Variants in SMARCC1 observed in about 807,000 individuals in gnomAD.
SMARCC1 encodes the protein SWI/SNF related BAF chromatin remodeling complex subunit C1.
Under a neutral mutation model 147.4 loss-of-function variants are expected in SMARCC1, and 43 were observed. The observed-to-expected ratio is 0.29, with a 90% confidence interval of 0.23 to 0.38. SMARCC1 has a LOEUF of 0.38. Ranked by LOEUF, SMARCC1 falls within the 10% of genes least tolerant of loss-of-function variation. The probability of loss-of-function intolerance (pLI) is 1.00; values close to 1 mark genes in which losing one functional copy is unlikely to be tolerated. For missense variants in SMARCC1, 1,119 were observed against 1,381.1 expected, an observed-to-expected ratio of 0.81 and a Z score of 3.01; for synonymous variants, 495 against 484.4, an observed-to-expected ratio of 1.02 and a Z score of -0.29.
chr3:47,664,002 C>A, intron 19 of SMARCC1: 1 of 868,982 alleles, frequency 1.2e-6, no homozygotes, highest in Non-Finnish European at 1.8e-6. Flanking sequence ...ACTGGCCCTA[C>A]CATGGGACTT....
At position 47,587,421 on chromosome 3, in the gene SMARCC1, A is replaced by C. The variant is rs965952195; in HGVS notation, c.*788T>G. The stretch of plus-strand genomic sequence containing the variant: ...CACACTGCCCCCAGAAAAACAAAAC[A>C]CTCACCCCCAATCCAATGAATCATC... On this transcript the variant is annotated 3_prime_UTR_variant, in exon 28 of 28. Transcript: ENST00000254480. 6.6e-6 allele frequency: 1 copy of C among 151,938 alleles called. No individual in the cohort carries two copies. Among genetic ancestry groups the C allele is most frequent in the African/African-American group, 2.4e-5 (1 of 41,288 alleles). 9.4% of individuals were successfully genotyped at this position (151,938 alleles called of 1,614,324 possible). A position where few individuals can be genotyped will look rare whatever the true frequency, so the allele number is the denominator to read the frequency against.
intron 2 of SMARCC1, among the ~76,000 whole-genome samples, chr3:47,756,552 A>G (rs954522143): frequency 7.2e-5 from 11 of 151,842 alleles, no homozygotes; most frequent in Non-Finnish European, 1.5e-4. Flanking sequence ...AAAAAAAAAA[A>G]AAAGGCAAAG....
chr3:47,752,370 A>G (rs942644460), intron 2 of SMARCC1, among the ~76,000 whole-genome samples: 1 of 152,188 alleles, frequency 6.6e-6, no homozygotes, highest in Admixed American at 6.6e-5. Flanking sequence ...CCCATCCTAT[A>G]AACCCCCATG....
intron 2 of SMARCC1, among the ~76,000 whole-genome samples, chr3:47,770,008 G>A (rs1033622805): frequency 6.7e-6 from 1 of 149,672 alleles, no homozygotes; most frequent in East Asian, 2.0e-4. Flanking sequence ...GGCAGATCAC[G>A]AGGTCAGGAG....
intron 26 of SMARCC1, chr3:47,604,239 T>A (rs949536508): frequency 2.0e-5 from 9 of 456,634 alleles, no homozygotes; most frequent in African/African-American, 1.8e-4. Context: ...AGAGAAGAAT[T>A]ACATGTAACT....
intron 26 of SMARCC1, among the ~76,000 whole-genome samples, chr3:47,607,646 G>A (rs148492348): frequency 1.1e-4 from 17 of 152,318 alleles, no homozygotes; most frequent in African/African-American, 4.1e-4. Flanking sequence ...GATGCTGGCA[G>A]TTAAGCTTGA....
chr3:47,600,894 T>G (rs1275344144), intron 26 of SMARCC1, among the ~76,000 whole-genome samples: 3 of 151,258 alleles, frequency 2.0e-5, no homozygotes, highest in Non-Finnish European at 1.5e-5. Context: ...AAATCTGAAA[T>G]GCATAGGAAC....
intron 6 of SMARCC1, among the ~76,000 whole-genome samples, chr3:47,726,081 AGGTG>A (rs2034296937): frequency 6.7e-6 from 1 of 148,776 alleles, no homozygotes; most frequent in African/African-American, 2.5e-5. Flanking sequence ...AAAAAAAAAA[AGGTG>A]AATTTCATGG....
chr3:47,769,197 C>T (rs1197375551), intron 2 of SMARCC1, among the ~76,000 whole-genome samples: 2 of 110,384 alleles, frequency 1.8e-5, no homozygotes, highest in Non-Finnish European at 3.4e-5. Context: ...GATGACAGAG[C>T]GAGACTCCGT....
Position 47,621,810 on chromosome 3 carries a change from TA to T in SMARCC1, c.2781+396del, listed in dbSNP as rs543912476. On this transcript the variant is annotated intron_variant, in intron 25 of 27. Transcript: ENST00000254480. Reference sequence around the variant, plus strand: ...GTACCTCTGAATCTAAAATAAAAATTAAAACTTTAAAAAAAAAAAAAAAAGA... The same window carrying T: ...GTACCTCTGAATCTAAAATAAAAATTAAACTTTAAAAAAAAAAAAAAAAGA... Among the ~76,000 whole-genome samples the T allele has an allele frequency of 3.9e-3, 578 of 146,336 alleles. 5 individuals carry two copies. Among genetic ancestry groups the T allele is most frequent in the African/African-American group, 0.013 (524 of 39,800 alleles).
At chr3:47,617,366 A>G (rs2032659390) in intron 25 of SMARCC1, among the ~76,000 whole-genome samples, 1 of 152,264 alleles carries the variant, frequency 6.6e-6, no homozygotes, top group Admixed American at 6.5e-5. Context: ...GCTTCCTCAC[A>G]TAGTTTGCCA....
chr3:47,747,485 A>ATAT lies in SMARCC1; in HGVS notation c.316-1493_316-1492insATA, dbSNP rs71070221. On this transcript the variant is annotated intron_variant, in intron 2 of 27. Transcript: ENST00000254480. ...AATATAAATATAAATATAAATATAA[A>ATAT]AATTAGCCAGGCATGGTGGCACACG... Among the ~76,000 whole-genome samples, 85 of 149,368 alleles carry ATAT rather than the reference A, an allele frequency of 5.7e-4. 1 individual carries two copies. Among genetic ancestry groups the ATAT allele is most frequent in the African/African-American group, 2.0e-3 (81 of 41,132 alleles).
At chr3:47,728,922 A>G (rs2034334166) in intron 6 of SMARCC1, 103 bp downstream of exon 6, 3 of 694,262 alleles carry the variant, frequency 4.3e-6, no homozygotes, top group Non-Finnish European at 6.9e-6. Context: ...AAACAAAAAC[A>G]AATAAAAAGC....
At chr3:47,677,114 C>T (rs968328923) in intron 16 of SMARCC1, among the ~76,000 whole-genome samples, 1 of 152,054 alleles carries the variant, frequency 6.6e-6, no homozygotes, top group African/African-American at 2.4e-5. Context: ...CCGCATTTTT[C>T]GTGACAGAGT....
intron 2 of SMARCC1, among the ~76,000 whole-genome samples, chr3:47,747,206 G>A (rs1244530927): frequency 2.0e-5 from 3 of 151,790 alleles, no homozygotes; most frequent in Non-Finnish European, 2.9e-5. Context: ...GGCCGAAGCG[G>A]GCAGATGGCT....
At chr3:47,778,316 CGTTTT>C (rs767058075) in intron 1 of SMARCC1, among the ~76,000 whole-genome samples, 26 of 140,436 alleles carry the variant, frequency 1.9e-4, no homozygotes, top group South Asian at 1.1e-3. Flanking sequence ...TGTTTTGTTT[CGTTTT>C]GTTTTGAGAC....
intron 26 of SMARCC1, among the ~76,000 whole-genome samples, chr3:47,608,849 T>TTAA (rs2032520089): frequency 1.2e-5 from 1 of 86,864 alleles, no homozygotes; most frequent in African/African-American, 4.7e-5. Context: ...ACAGTGTCTT[T>TTAA]AAAAAAAAAA....
chr3:47,632,808 T>C (rs1377375507), intron 24 of SMARCC1, among the ~76,000 whole-genome samples: 1 of 152,150 alleles, frequency 6.6e-6, no homozygotes, highest in East Asian at 1.9e-4. Flanking sequence ...GGTTGAGAAC[T>C]AAGTAGGGTC....
intron 2 of SMARCC1, among the ~76,000 whole-genome samples, chr3:47,755,411 G>C (rs1330336605): frequency 2.0e-5 from 3 of 149,156 alleles, no homozygotes; most frequent in African/African-American, 7.4e-5. Flanking sequence ...GCAGGAGAAT[G>C]GCGTGAACCC....
Sources: allele counts gnomAD v4.1 joint callset (sites outside exome capture counted in the v4.1 genomes callset), GRCh38; gene constraint gnomAD v4.1.1; transcripts MANE v1.5; gene names NCBI Gene and HGNC (gene_info 2026-07-23, HGNC 2026-07-21).